Variants in WLS observed in about 807,000 individuals in gnomAD.
WLS encodes Wnt ligand secretion mediator.
Under a neutral mutation model 62.8 loss-of-function variants are expected in WLS, and 23 were observed. The observed-to-expected ratio is 0.37, with a 90% CI of 0.26 to 0.52. The LOEUF is 0.52. WLS is among the 20% of genes least tolerant of loss of function. The pLI, the probability that WLS is intolerant of heterozygous loss-of-function variation, is 0.92. For missense variants in WLS, 615 were observed against 697.3 expected (o/e 0.88, Z 1.33); for synonymous variants, 246 against 244.1 (o/e 1.01, Z -0.07).
At chr1:68,204,382 C>T (rs938606477) in intron 1 of WLS, among the ~76,000 whole-genome samples, 1 of 152,054 alleles carries the variant, frequency 6.6e-6, no homozygotes, top group Middle Eastern at 3.4e-3. Flanking sequence ...TGCAGTGGCG[C>T]GGTCTCGGCT....
chr1:68,218,973 A>G (rs1649841353), intron 1 of WLS, among the ~76,000 whole-genome samples: 1 of 152,250 alleles, frequency 6.6e-6, no homozygotes, highest in Non-Finnish European at 1.5e-5. Flanking sequence ...TTCATCTTTA[A>G]AAGTTTATAG....
intron 11 of WLS, among the ~76,000 whole-genome samples, chr1:68,100,046 C>G (rs1272743915): frequency 6.6e-6 from 1 of 152,180 alleles, no homozygotes; most frequent in Non-Finnish European, 1.5e-5. Context: ...AAAAAGTTCT[C>G]AGAGAAAACA....
chr1:68,196,660 CTAT>C (rs1361546770), intron 1 of WLS, among the ~76,000 whole-genome samples: 1 of 151,984 alleles, frequency 6.6e-6, no homozygotes, highest in Non-Finnish European at 1.5e-5. Flanking sequence ...AGGACAATGC[CTAT>C]TAATACTTAC....
At chr1:68,192,622 G>A (rs1287163728) in intron 2 of WLS, among the ~76,000 whole-genome samples, 1 of 150,836 alleles carries the variant, frequency 6.6e-6, no homozygotes, top group East Asian at 1.9e-4. Flanking sequence ...TAGCGTGCCT[G>A]TAGTCCTAGC....
intron 2 of WLS, chr1:68,162,170 C>T (rs1646986206): frequency 2.1e-6 from 3 of 1,455,994 alleles, no homozygotes; most frequent in Non-Finnish European, 2.9e-6. Flanking sequence ...TTCAACGGAC[C>T]CTGAGCAAAG....
At chr1:68,179,430 C>T (rs925687656) in intron 2 of WLS, among the ~76,000 whole-genome samples, 34 of 152,142 alleles carry the variant, frequency 2.2e-4, no homozygotes, top group African/African-American at 8.2e-4. Context: ...CATAGCCTCT[C>T]GACTTCCCAG....
intron 11 of WLS, among the ~76,000 whole-genome samples, chr1:68,118,231 G>A (rs942371200): frequency 2.6e-5 from 4 of 152,172 alleles, no homozygotes; most frequent in African/African-American, 9.7e-5. Flanking sequence ...AATGGATAAA[G>A]AATCTGAACT....
Position 68,133,023 on chromosome 1 carries a change from AAAG to A in WLS, c.1516+4754_1516+4756del, listed in dbSNP as rs537885308. Among the ~76,000 whole-genome samples, 1,083 of 150,492 alleles carry A rather than the reference AAAG, an allele frequency of 7.2e-3. 10 individuals carry two copies. Among genetic ancestry groups the A allele is most frequent in the Non-Finnish European group, 1.0e-2 (676 of 67,750 alleles). On this transcript the variant is annotated intron_variant, in intron 11 of 11. Coordinates refer to ENST00000262348, the MANE Select transcript of WLS (RefSeq NM_024911.7). ...ACAAATTGGTTATGGCAACAGGTAA[AAAG>A]AACAACTGTCATGAAAAGGCAGCAG... is the stretch of plus-strand genomic sequence containing the variant.
chr1:68,124,718 G>C (rs564057719), downstream of WLS, among the ~76,000 whole-genome samples: 2 of 152,240 alleles, frequency 1.3e-5, no homozygotes, highest in East Asian at 3.9e-4. Context: ...CAAAGTCAAA[G>C]CATTTTCTAC....
At chr1:68,138,049 T>TG in intron 10 of WLS, 116 bp from the exon 11 acceptor site, 1 of 1,155,912 alleles carries the variant, frequency 8.7e-7, no homozygotes. Context: ...GTGGGAAACA[T>TG]GAAGGGCCAT....
chr1:68,143,105 G>A (rs1185717147), intron 10 of WLS, among the ~76,000 whole-genome samples: 1 of 152,074 alleles, frequency 6.6e-6, no homozygotes, highest in Non-Finnish European at 1.5e-5. Flanking sequence ...GAAATTCGAA[G>A]TATTTTATTT....
At chr1:68,098,861 A>G (rs1646041179) in intron 11 of WLS, 7 of 1,434,916 alleles carry the variant, frequency 4.9e-6, no homozygotes, top group Non-Finnish European at 6.4e-6. Context: ...TTTTACCTAC[A>G]TAAATTTCTA....
intron 2 of WLS, among the ~76,000 whole-genome samples, chr1:68,188,099 G>T (rs1648075852): frequency 6.6e-6 from 1 of 152,198 alleles, no homozygotes; most frequent in Admixed American, 6.5e-5. Flanking sequence ...CCTGTGGCAA[G>T]TACCTGCCCA....
intron 11 of WLS, among the ~76,000 whole-genome samples, chr1:68,135,879 T>TC (rs1289962342): frequency 6.6e-6 from 1 of 152,056 alleles, no homozygotes; most frequent in Non-Finnish European, 1.5e-5. Context: ...AAACACCGAG[T>TC]GGTGTTTTTA....
intron 11 of WLS, among the ~76,000 whole-genome samples, chr1:68,104,211 C>T (rs1444258512): frequency 6.6e-6 from 1 of 151,818 alleles, no homozygotes; most frequent in Non-Finnish European, 1.5e-5. Context: ...AAAGCAAAAT[C>T]TAAGTGCAGA....
At chr1:68,108,361 G>A (rs1396743514) in intron 11 of WLS, among the ~76,000 whole-genome samples, 1 of 152,122 alleles carries the variant, frequency 6.6e-6, no homozygotes, top group Non-Finnish European at 1.5e-5. Flanking sequence ...TCTCTTAAAA[G>A]AGACCAAAAG....
intron 3 of WLS, among the ~76,000 whole-genome samples, chr1:68,158,549 CTT>C (rs1179053629): frequency 6.6e-6 from 1 of 151,592 alleles, no homozygotes; most frequent in East Asian, 1.9e-4. Context: ...GGAGAATTGT[CTT>C]GAGCCACACA....
At chr1:68,127,000 T>A (rs1465270531) in intron 11 of WLS, 2 of 301,176 alleles carry the variant, frequency 6.6e-6, no homozygotes, top group Non-Finnish European at 1.3e-5. Context: ...AGATCAGCCT[T>A]GGCAACAGAG....
In WLS at chr1:68,126,179, A is replaced by T. The variant is rs1400117361; in HGVS notation, c.*47T>A. The T allele has an allele frequency of 1.2e-6, 2 of 1,609,704 alleles. No homozygotes were observed. Among genetic ancestry groups the T allele is most frequent in the South Asian group, 2.2e-5 (2 of 90,258 alleles). On this transcript the variant is annotated 3_prime_UTR_variant, in exon 12 of 12. Transcript: ENST00000262348. ...CTGGCATGCTCCCCACTCTAGTTAG[A>T]GGGGCTGGGGTATGGAGAGACCGTC...
Sources: allele counts gnomAD v4.1 joint callset (sites outside exome capture counted in the v4.1 genomes callset), GRCh38; gene constraint gnomAD v4.1.1; transcripts MANE v1.5; gene names NCBI Gene and HGNC (gene_info 2026-07-23, HGNC 2026-07-21).